The following F9 variants were observed in gnomAD, a reference collection of about 807,000 sequenced individuals.
F9 encodes the protein Christmas factor.
In F9, 2 loss-of-function variants were observed where a neutral mutation model predicts 34.1. The observed-to-expected ratio is 0.06, with a 90% CI of 0.02 to 0.18. The LOEUF is 0.18. F9 is among the 10% of genes least tolerant of loss of function. The probability of loss-of-function intolerance (pLI) is 1.00; values close to 1 mark genes in which losing one functional copy is unlikely to be tolerated. For missense variants in F9, 216 were observed against 345.1 expected (o/e 0.63, Z 2.96); for synonymous variants, 137 against 118.8 (o/e 1.15, Z -1.00).
chrX:139,534,692 A>G (rs1927415767), intron 1 of F9, among the ~76,000 whole-genome samples: 1 of 112,264 alleles, frequency 8.9e-6, no homozygotes, highest in South Asian at 3.7e-4. Context: ...GTTATATGCA[A>G]ATAGTAAGCC....
At chrX:139,540,153 T>G (rs182044337) in intron 3 of F9, among the ~76,000 whole-genome samples, 3 of 111,582 alleles carry the variant, frequency 2.7e-5, no homozygotes, top group Non-Finnish European at 5.6e-5. Context: ...CCCTTCTGGT[T>G]CTATTCATCC....
At position 139,562,547 on chromosome X, in the gene F9, C is replaced by A. The variant is rs4149763; in HGVS notation, c.*476C>A. ...AAAGAACACAGGAGTAGCTGAGAGGCTAAAACTCATCAAAAACACTACTCC... is the reference window on the plus strand; with the variant it reads ...AAAGAACACAGGAGTAGCTGAGAGGATAAAACTCATCAAAAACACTACTCC... On this transcript the variant is annotated 3_prime_UTR_variant, in exon 8 of 8. Coordinates refer to ENST00000218099, the MANE Select transcript of F9 (RefSeq NM_000133.4). The A allele has an allele frequency of 5.5e-4, 64 of 116,279 alleles. No homozygotes were observed. Among genetic ancestry groups the A allele is most frequent in the South Asian group, 1.0e-3 (3 of 2,984 alleles). The allele number at this position is 116,279 out of a possible 1,213,427, so 9.6% of individuals were successfully genotyped here. A position where few individuals can be genotyped will look rare whatever the true frequency, so the allele number is the denominator to read the frequency against.
chrX:139,532,622 A>G (rs1927368312), intron 1 of F9, among the ~76,000 whole-genome samples: 1 of 111,480 alleles, frequency 9.0e-6, no homozygotes, highest in Non-Finnish European at 1.9e-5. Flanking sequence ...ATGTGATAAA[A>G]TGTGCACTAG....
intron 6 of F9, among the ~76,000 whole-genome samples, chrX:139,551,748 T>G (rs1013967524): frequency 2.7e-5 from 3 of 111,282 alleles, no homozygotes; most frequent in Admixed American, 9.5e-5. Context: ...CCACTATAGT[T>G]CTCGTGGTAG....
chrX:139,547,068 G>A (rs749532898), intron 4 of F9, among the ~76,000 whole-genome samples: 13 of 111,297 alleles, frequency 1.2e-4, no homozygotes, highest in African/African-American at 3.6e-4. Context: ...ACTTATTATC[G>A]AGTTACATTT....
intron 4 of F9, among the ~76,000 whole-genome samples, chrX:139,542,037 G>C (rs143757987): frequency 1.8e-5 from 2 of 111,426 alleles, no homozygotes; most frequent in East Asian, 5.7e-4. Flanking sequence ...TCCTAAGGAA[G>C]AATTTAACAC....
Position 139,541,141 on chromosome X carries a change from T to C in F9, c.343T>C (p.Tyr115His), listed in dbSNP as rs1927591879. 8.3e-7 allele frequency: 1 copy of C among 1,200,044 alleles called. No homozygotes were observed. The highest frequency in any genetic ancestry group is 1.1e-6 in the Non-Finnish European group (1 of 886,892). ...GGSCKDDINS[Y>H]ECWCPFGFEG... is the part of the protein sequence containing the mutation. ...CAGTTGCAAGGATGACATTAATTCCTATGAATGTTGGTGTCCCTTTGGATT... is the reference window on the plus strand; with the variant it reads ...CAGTTGCAAGGATGACATTAATTCCCATGAATGTTGGTGTCCCTTTGGATT... Residue 115 changes from tyrosine to histidine, a missense_variant, in exon 4 of 8, where the codon TAT (tyrosine) becomes CAT (histidine). Physicochemically the swap from Tyr to His is moderately conservative, Grantham distance 83. Transcript: ENST00000218099.
rs1231897870 is a variant in F9 at position 139,562,858 on chromosome X, A to T, written c.*787A>T. 1.0e-5 allele frequency: 1 copy of T among 100,218 alleles called. No individual in the cohort carries two copies. Among genetic ancestry groups the T allele is most frequent in the Non-Finnish European group, 2.0e-5 (1 of 49,870 alleles). The allele number at this position is 100,218 out of a possible 1,213,427, so 8.3% of individuals were successfully genotyped here. A position where few individuals can be genotyped will look rare whatever the true frequency, so the allele number is the denominator to read the frequency against. On this transcript the variant is annotated 3_prime_UTR_variant, in exon 8 of 8. Coordinates refer to ENST00000218099, the MANE Select transcript of F9 (RefSeq NM_000133.4). ...GAGAGTTAAGTTATTTTATATATAT[A>T]ATATATATATAAAATATATAATATA...
Position 139,562,140 on chromosome X carries a change from C to G in F9, c.*69C>G. On this transcript the variant is annotated 3_prime_UTR_variant, in exon 8 of 8. Coordinates refer to ENST00000218099, the MANE Select transcript of F9 (RefSeq NM_000133.4). ...AACAGGGCCTCTCACTAACTAATCA[C>G]TTTCCCATCTTTTGTTAGATTTGAA... 3 of 921,303 alleles carry G rather than the reference C, an allele frequency of 3.3e-6. No individual in the cohort carries two copies. The highest frequency in any genetic ancestry group is 2.1e-5 in the South Asian group (1 of 48,358). 75.9% of individuals were successfully genotyped at this position (921,303 alleles called of 1,213,427 possible).
At chrX:139,559,886 C>T (rs763116083) in intron 6 of F9, among the ~76,000 whole-genome samples, 1 of 112,124 alleles carries the variant, frequency 8.9e-6, no homozygotes, top group Non-Finnish European at 1.9e-5. Flanking sequence ...AAAGGTGGAT[C>T]AAGGCACTTG....
At chrX:139,530,982 C>A in intron 1 of F9, 130 bp downstream of exon 1, 2 of 572,887 alleles carry the variant, frequency 3.5e-6, no homozygotes, top group Non-Finnish European at 5.9e-6. Flanking sequence ...ACAGCCAGCA[C>A]GCAGGTTGGT....
At chrX:139,545,804 G>T (rs2148360024) in intron 4 of F9, among the ~76,000 whole-genome samples, 1 of 110,847 alleles carries the variant, frequency 9.0e-6, no homozygotes, top group South Asian at 3.9e-4. Flanking sequence ...ATTGGTCTTT[G>T]GTCTTCAGTT....
At chrX:139,533,972 A>G (rs1249781908) in intron 1 of F9, among the ~76,000 whole-genome samples, 1 of 112,098 alleles carries the variant, frequency 8.9e-6, no homozygotes, top group Non-Finnish European at 1.9e-5. Flanking sequence ...AAAGCGGGGA[A>G]CCAGAATAGA....
chrX:139,546,447 T>C, intron 4 of F9, among the ~76,000 whole-genome samples: 1 of 112,019 alleles, frequency 8.9e-6, no homozygotes. Flanking sequence ...AAGCAATTTC[T>C]AGAATAACTA....
intron 4 of F9, among the ~76,000 whole-genome samples, chrX:139,546,605 A>G (rs182960790): frequency 2.4e-4 from 27 of 112,148 alleles, no homozygotes; most frequent in African/African-American, 8.1e-4. Context: ...CAAAGCATCT[A>G]AACAATTAAA....
chrX:139,553,261 A>G (rs1208898222), intron 6 of F9, among the ~76,000 whole-genome samples: 3 of 111,786 alleles, frequency 2.7e-5, no homozygotes, highest in Non-Finnish European at 5.6e-5. Flanking sequence ...TCACTCATCC[A>G]TATCTTTACT....
chrX:139,546,021 G>A (rs1927708566), intron 4 of F9, among the ~76,000 whole-genome samples: 1 of 110,805 alleles, frequency 9.0e-6, no homozygotes, highest in Non-Finnish European at 1.9e-5. Context: ...ATTACATGAC[G>A]CAGATATTCA....
At position 139,537,832 on chromosome X, in the gene F9, G is replaced by C. The variant is rs4149682; in HGVS notation, c.277+446G>C. ...TGCCTCCTCTGCTACTTCTCTCCTC[G>C]CACACTGGGCTCCAGCCACCCTGGC... On this transcript the variant is annotated intron_variant, in intron 3 of 7. Transcript: ENST00000218099. Among the ~76,000 whole-genome samples, 3 of 110,160 alleles carry C rather than the reference G, an allele frequency of 2.7e-5. No individual in the cohort carries two copies. In the East Asian group the frequency reaches 8.6e-4, roughly 32 times the overall value.
chrX:139,548,309 T>C, intron 4 of F9, 54 bp from the exon 5 acceptor site: 14 of 1,182,963 alleles, frequency 1.2e-5, no homozygotes, highest in Non-Finnish European at 1.6e-5. Flanking sequence ...TTCCATGTAC[T>C]TTTTAGAAAT....
Sources: allele counts gnomAD v4.1 joint callset (sites outside exome capture counted in the v4.1 genomes callset), GRCh38; gene constraint gnomAD v4.1.1; transcripts MANE v1.5; gene names NCBI Gene and HGNC (gene_info 2026-07-23, HGNC 2026-07-21).